The following MACROD2 variants were observed in gnomAD, a reference collection of about 807,000 sequenced individuals.
MACROD2 encodes ADP-ribose glycohydrolase MACROD2.
In MACROD2, 36 loss-of-function variants were observed where a neutral mutation model predicts 70.4. The ratio of observed to expected loss-of-function variants is 0.51; its 90% CI spans 0.39 to 0.68. The LOEUF is 0.68. Ranked by LOEUF, MACROD2 falls within the 30% of genes least tolerant of loss-of-function variation. MACROD2 has a pLI of 0.00. For synonymous variants in MACROD2, 172 were observed against 178.8 expected (o/e 0.96, Z 0.30); for missense variants, 496 against 538.4 (o/e 0.92, Z 0.78).
At chr20:14,010,943 A>G (rs570499129) in intron 2 of MACROD2, among the ~76,000 whole-genome samples, 14 of 152,274 alleles carry the variant, frequency 9.2e-5, no homozygotes, top group African/African-American at 2.6e-4. Flanking sequence ...GGCTTTTTCT[A>G]TAACAGCAGT....
At chr20:14,813,616 A>T (rs1470424438) in intron 5 of MACROD2, among the ~76,000 whole-genome samples, 1 of 151,996 alleles carries the variant, frequency 6.6e-6, no homozygotes, top group Non-Finnish European at 1.5e-5. Context: ...GGATACAAAT[A>T]AGGAGCCAGA....
rs192841377 is a variant in MACROD2, at chr20:14,600,711, G to A, written c.302-84132G>A. Among the ~76,000 whole-genome samples, 149 of 152,272 alleles carry A rather than the reference G, an allele frequency of 9.8e-4. 1 individual carries two copies. The highest frequency in any genetic ancestry group is 1.5e-3 in the Non-Finnish European group (101 of 68,012). On this transcript the variant is annotated intron_variant, in intron 4 of 17. Transcript: ENST00000684519. ...GACTCCAGAGCCAAGGCACCTAAACGTTAGTTCATGTTGCCTCACACTGAG... is the reference window on the plus strand; with the variant it reads ...GACTCCAGAGCCAAGGCACCTAAACATTAGTTCATGTTGCCTCACACTGAG...
At chr20:14,099,855 G>T (rs1000133960) in intron 3 of MACROD2, among the ~76,000 whole-genome samples, 1 of 151,988 alleles carries the variant, frequency 6.6e-6, no homozygotes, top group Non-Finnish European at 1.5e-5. Context: ...GCATAAATTA[G>T]GTCAACTGGT....
intron 5 of MACROD2, among the ~76,000 whole-genome samples, chr20:14,970,608 G>A (rs1225348305): frequency 6.6e-6 from 1 of 151,904 alleles, no homozygotes; most frequent in Admixed American, 6.6e-5. Flanking sequence ...TATTTTTAAT[G>A]CAATTTATTT....
At chr20:14,465,600 T>C (rs549995498) in intron 3 of MACROD2, among the ~76,000 whole-genome samples, 30 of 152,162 alleles carry the variant, frequency 2.0e-4, no homozygotes, top group African/African-American at 5.8e-4. Flanking sequence ...TTATTTTGAT[T>C]GTTAGTTGAT....
At chr20:14,963,040 A>G (rs745688389) in intron 5 of MACROD2, among the ~76,000 whole-genome samples, 1 of 152,142 alleles carries the variant, frequency 6.6e-6, no homozygotes, top group African/African-American at 2.4e-5. Context: ...GACTCCGATA[A>G]CTATTATGTC....
intron 3 of MACROD2, among the ~76,000 whole-genome samples, chr20:14,437,634 A>T (rs1036067035): frequency 6.6e-6 from 1 of 152,122 alleles, no homozygotes; most frequent in Non-Finnish European, 1.5e-5. Context: ...TGTTATATGA[A>T]TCTCTTCTCT....
intron 5 of MACROD2, chr20:14,904,913 T>C (rs2225303): frequency 0.89 from 135,451 of 152,180 alleles, 60,333 homozygotes; most frequent in East Asian, 1. Context: ...CAGATAGACA[T>C]GAAAATAGAT....
chr20:14,695,325 T>C (rs1053987618), intron 5 of MACROD2, among the ~76,000 whole-genome samples: 2 of 152,182 alleles, frequency 1.3e-5, no homozygotes, highest in African/African-American at 4.8e-5. Context: ...CCTCCCTGTT[T>C]CTCTCTGTCT....
At chr20:14,176,031 G>T (rs1009325546) in intron 3 of MACROD2, among the ~76,000 whole-genome samples, 1 of 152,146 alleles carries the variant, frequency 6.6e-6, no homozygotes, top group South Asian at 2.1e-4. Flanking sequence ...GGAATCCAGC[G>T]ATATGTCTCC....
rs527241839 is a variant in MACROD2, at chr20:14,391,810, G to T, written c.272-101669G>T. Among the ~76,000 whole-genome samples the T allele has an allele frequency of 3.1e-4, 45 of 143,070 alleles. No homozygotes were observed. The South Asian group carries it at 4.8e-3, about 15-fold the overall frequency. 93.9% of individuals were successfully genotyped at this position (143,070 alleles called of 152,430 possible). The stretch of plus-strand genomic sequence containing the variant: ...AAAGATGGCAACAATAGACACTGAG[G>T]CCTACTAGATGGGGGAAAGGAGGGA... On this transcript the variant is annotated intron_variant, in intron 3 of 17. Coordinates refer to ENST00000684519, the MANE Select transcript of MACROD2 (RefSeq NM_001351661.2).
At chr20:14,448,504 C>T (rs2084208808) in intron 3 of MACROD2, among the ~76,000 whole-genome samples, 2 of 151,778 alleles carry the variant, frequency 1.3e-5, no homozygotes, top group African/African-American at 4.9e-5. Context: ...TAGTGAAACC[C>T]CATCTCTACC....
intron 3 of MACROD2, among the ~76,000 whole-genome samples, chr20:14,088,602 C>T (rs1334895370): frequency 6.6e-6 from 1 of 152,096 alleles, no homozygotes; most frequent in Admixed American, 6.6e-5. Context: ...AGATCACTCT[C>T]ACAAGTTTTC....
intron 6 of MACROD2, among the ~76,000 whole-genome samples, chr20:15,358,988 C>A (rs971247162): frequency 6.6e-6 from 1 of 152,092 alleles, no homozygotes; most frequent in African/African-American, 2.4e-5. Flanking sequence ...GGTTAAGGAT[C>A]ATTTATTCCT....
chr20:15,782,467 GCTGCAAGAATGGCCTTT>G (rs1465611481), intron 8 of MACROD2, among the ~76,000 whole-genome samples: 7 of 152,004 alleles, frequency 4.6e-5, no homozygotes, highest in Middle Eastern at 3.2e-3. Flanking sequence ...TGGGGCTGGA[GCTGCAAGAATGGCCTTT>G]CTCCAAGGCC....
chr20:14,084,086 A>C (rs1158201305), intron 2 of MACROD2, among the ~76,000 whole-genome samples: 19 of 148,002 alleles, frequency 1.3e-4, no homozygotes, highest in African/African-American at 4.4e-4. Context: ...AACAAACAAA[A>C]AAAAACCTTC....
At chr20:15,768,389 A>G (rs911737160) in intron 8 of MACROD2, among the ~76,000 whole-genome samples, 2 of 152,192 alleles carry the variant, frequency 1.3e-5, no homozygotes, top group Non-Finnish European at 2.9e-5. Flanking sequence ...GTGTGTCTAA[A>G]CATAGCTCAA....
At chr20:14,659,576 A>T (rs952748628) in intron 4 of MACROD2, among the ~76,000 whole-genome samples, 1 of 152,064 alleles carries the variant, frequency 6.6e-6, no homozygotes, top group Non-Finnish European at 1.5e-5. Flanking sequence ...GTATTTCAAA[A>T]ATTCTCCCCA....
chr20:15,987,701 G>A (rs2066506150), intron 15 of MACROD2, among the ~76,000 whole-genome samples: 1 of 152,092 alleles, frequency 6.6e-6, no homozygotes, highest in Non-Finnish European at 1.5e-5. Flanking sequence ...CAAGAGGAAT[G>A]AACACTCCTT....
Sources: gnomAD v4.1 joint callset for allele counts (sites outside exome capture counted in the v4.1 genomes callset) on GRCh38, gnomAD v4.1.1 for gene constraint, MANE v1.5 for transcripts, NCBI Gene and HGNC (gene_info 2026-07-23, HGNC 2026-07-21) for gene names.